Variants in LRRTM3 observed in about 807,000 individuals in gnomAD.
LRRTM3 encodes the protein leucine-rich repeat transmembrane neuronal protein 3.
Under a neutral mutation model 44.7 loss-of-function variants are expected in LRRTM3, and 24 were observed. That is an observed-to-expected ratio of 0.54 (90% CI 0.39 to 0.76). The LOEUF is 0.76. Among genes scored for constraint, LRRTM3 ranks in the 30% least tolerant of loss-of-function variants. The pLI is 0.00. For missense variants in LRRTM3, 587 were observed against 702.2 expected, an observed-to-expected ratio of 0.84 and a Z score of 1.85; for synonymous variants, 277 against 278.7, an observed-to-expected ratio of 0.99 and a Z score of 0.06.
intron 2 of LRRTM3, among the ~76,000 whole-genome samples, chr10:67,024,984 G>T (rs1480468937): frequency 2.0e-5 from 3 of 151,966 alleles, no homozygotes; most frequent in Non-Finnish European, 4.4e-5. Context: ...TACAAAATTA[G>T]CCAGGTGTGG....
rs1858165100 is a variant in LRRTM3 at position 67,098,843 on chromosome 10, C to A, written c.*1047C>A. The A allele has an allele frequency of 6.6e-6, 1 of 151,804 alleles. No homozygotes were observed. Among genetic ancestry groups the A allele is most frequent in the South Asian group, 2.1e-4 (1 of 4,828 alleles). The allele number at this position is 151,804 out of a possible 1,614,324, so 9.4% of individuals were successfully genotyped here. On this transcript the variant is annotated 3_prime_UTR_variant, in exon 3 of 3. Transcript: ENST00000361320. ...CCCATAGCGGTTTACCTAAAAGTAA[C>A]CATCAGTCAGTGCAAAATGTGCCTG...
intron 2 of LRRTM3, among the ~76,000 whole-genome samples, chr10:66,942,499 G>A (rs10822948): frequency 0.59 from 89,924 of 151,398 alleles, 28,272 homozygotes; most frequent in Admixed American, 0.69. Context: ...ATTACTTGAG[G>A]AATTAGTTCC....
At chr10:66,952,968 T>A (rs1848614194) in intron 2 of LRRTM3, among the ~76,000 whole-genome samples, 1 of 152,052 alleles carries the variant, frequency 6.6e-6, no homozygotes, top group African/African-American at 2.4e-5. Flanking sequence ...ACAGAAGACC[T>A]CCAAGTAGTT....
intron 2 of LRRTM3, among the ~76,000 whole-genome samples, chr10:66,982,164 G>T (rs1302204885): frequency 4.6e-5 from 7 of 152,220 alleles, no homozygotes; most frequent in Non-Finnish European, 1.0e-4. Context: ...CTGGCAGTTT[G>T]AACAGCAGAG....
At chr10:66,958,493 GATT>G (rs751079867) in intron 2 of LRRTM3, among the ~76,000 whole-genome samples, 4 of 151,856 alleles carry the variant, frequency 2.6e-5, no homozygotes, top group Non-Finnish European at 4.4e-5. Flanking sequence ...ATATAGCTCA[GATT>G]ATTAGCTATC....
chr10:66,975,596 T>C (rs975625867), intron 2 of LRRTM3, among the ~76,000 whole-genome samples: 2 of 152,210 alleles, frequency 1.3e-5, no homozygotes, highest in Non-Finnish European at 2.9e-5. Context: ...TATGAGTCTA[T>C]GATTGTCATG....
intron 2 of LRRTM3, among the ~76,000 whole-genome samples, chr10:67,002,261 T>C (rs1227387150): frequency 1.3e-5 from 2 of 152,168 alleles, no homozygotes; most frequent in South Asian, 2.1e-4. Context: ...ATTCTACTTA[T>C]ATATCAAACT....
chr10:67,031,310 G>A (rs1395598152), intron 2 of LRRTM3, among the ~76,000 whole-genome samples: 1 of 152,068 alleles, frequency 6.6e-6, no homozygotes, highest in Non-Finnish European at 1.5e-5. Context: ...CAGTAACAGA[G>A]AAGGGAAAAA....
chr10:67,008,662 G>T (rs1852147292), intron 2 of LRRTM3, among the ~76,000 whole-genome samples: 1 of 152,100 alleles, frequency 6.6e-6, no homozygotes, highest in South Asian at 2.1e-4. Context: ...GCTCTTACAA[G>T]CTTGTTGGAT....
chr10:67,047,450 G>T (rs182059060), intron 2 of LRRTM3, among the ~76,000 whole-genome samples: 2 of 152,200 alleles, frequency 1.3e-5, no homozygotes, highest in African/African-American at 4.8e-5. Context: ...ATTAAGGAAA[G>T]GAGTCGGAGG....
chr10:67,090,245 G>C (rs907801785), intron 2 of LRRTM3, among the ~76,000 whole-genome samples: 1 of 152,060 alleles, frequency 6.6e-6, no homozygotes, highest in Non-Finnish European at 1.5e-5. Flanking sequence ...TATGTGTGTA[G>C]TAAGAAGCAG....
intron 2 of LRRTM3, among the ~76,000 whole-genome samples, chr10:67,094,645 A>T (rs1044868618): frequency 2.6e-5 from 4 of 151,818 alleles, no homozygotes; most frequent in African/African-American, 9.7e-5. Flanking sequence ...ACCTTGTACT[A>T]CATCTGTATA....
At chr10:66,987,451 A>T (rs1404095899) in intron 2 of LRRTM3, among the ~76,000 whole-genome samples, 2 of 152,180 alleles carry the variant, frequency 1.3e-5, no homozygotes, top group East Asian at 3.9e-4. Flanking sequence ...AAAAATGCTG[A>T]GGCTTGGGGT....
intron 2 of LRRTM3, among the ~76,000 whole-genome samples, chr10:66,960,510 ATGATCT>A: frequency 6.6e-6 from 1 of 152,292 alleles, no homozygotes; most frequent in Admixed American, 6.5e-5. Context: ...ACTAATTACA[ATGATCT>A]TTTCTCAGAT....
intron 2 of LRRTM3, among the ~76,000 whole-genome samples, chr10:67,044,304 C>T (rs545334732): frequency 3.3e-5 from 5 of 152,100 alleles, no homozygotes; most frequent in South Asian, 4.1e-4. Context: ...AACAATTTAA[C>T]GAGGGGGAAG....
At chr10:66,985,251 G>C (rs975389222) in intron 2 of LRRTM3, among the ~76,000 whole-genome samples, 2 of 152,122 alleles carry the variant, frequency 1.3e-5, no homozygotes, top group African/African-American at 2.4e-5. Context: ...GTAATATAGT[G>C]ATTATTTATT....
In LRRTM3 at chr10:67,098,861, T is replaced by C. The variant is rs1047433092; in HGVS notation, c.*1065T>C. 1 of 151,894 alleles carries C rather than the reference T, an allele frequency of 6.6e-6. No homozygotes were observed. The highest frequency in any genetic ancestry group is 1.5e-5 in the Non-Finnish European group (1 of 67,870). The allele number at this position is 151,894 out of a possible 1,614,324, so 9.4% of individuals were successfully genotyped here. ...AAAGTAACCATCAGTCAGTGCAAAA[T>C]GTGCCTGGTTCTTAAGACAACTTTT... On this transcript the variant is annotated 3_prime_UTR_variant, in exon 3 of 3. Coordinates refer to ENST00000361320, the MANE Select transcript of LRRTM3 (RefSeq NM_178011.5).
intron 2 of LRRTM3, among the ~76,000 whole-genome samples, chr10:67,096,763 G>A (rs1182339029): frequency 1.3e-5 from 2 of 151,676 alleles, no homozygotes; most frequent in Non-Finnish European, 2.9e-5. Context: ...TCTTTAGTTG[G>A]CAAGGGAGTC....
At chr10:67,063,737 T>C (rs1457311293) in intron 2 of LRRTM3, among the ~76,000 whole-genome samples, 1 of 152,256 alleles carries the variant, frequency 6.6e-6, no homozygotes, top group Non-Finnish European at 1.5e-5. Context: ...TTGTACTCTA[T>C]ATAAACTCTT....
Sources: allele counts gnomAD v4.1 joint callset (sites outside exome capture counted in the v4.1 genomes callset), GRCh38; gene constraint gnomAD v4.1.1; transcripts MANE v1.5; gene names NCBI Gene and HGNC (gene_info 2026-07-23, HGNC 2026-07-21).